The following ZNF354B variants were observed in gnomAD, a reference collection of about 807,000 sequenced individuals.
ZNF354B encodes zinc finger protein 354B.
A neutral mutation model predicts 12.9 loss-of-function variants in ZNF354B; 10 were observed. The ratio of observed to expected loss-of-function variants is 0.77; its 90% confidence interval spans 0.48 to 1.31. ZNF354B has a LOEUF of 1.31. Ranked by LOEUF, ZNF354B falls within the 40% of genes most tolerant of loss-of-function variation. ZNF354B has a pLI of 0.00. For synonymous variants in ZNF354B, 260 were observed against 243.7 expected (o/e 1.07, Z -0.62); for missense variants, 614 against 711.7 (o/e 0.86, Z 1.56).
intron 4 of ZNF354B, among the ~76,000 whole-genome samples, chr5:178,877,394 C>G (rs1757654495): frequency 6.6e-6 from 1 of 152,130 alleles, no homozygotes; most frequent in South Asian, 2.1e-4. Flanking sequence ...TCTCGGAACT[C>G]CTGACCTCAA....
At chr5:178,862,812 C>T (rs918900164) in intron 2 of ZNF354B, among the ~76,000 whole-genome samples, 10 of 152,202 alleles carry the variant, frequency 6.6e-5, no homozygotes, top group Admixed American at 1.3e-4. Flanking sequence ...CTGACTAGAA[C>T]CTTCTCCATC....
At chr5:178,877,009 T>G (rs1269847308) in intron 4 of ZNF354B, among the ~76,000 whole-genome samples, 1 of 152,066 alleles carries the variant, frequency 6.6e-6, no homozygotes, top group Non-Finnish European at 1.5e-5. Context: ...TTTGTTTTGT[T>G]TTGGTTTTTG....
Position 178,866,260 on chromosome 5 carries a change from A to G in ZNF354B, c.50A>G (p.Glu17Gly). The stretch of plus-strand genomic sequence containing the variant: ...TCCTTACAGGTGTCACTGACATTCG[A>G]GGACGTGGCTGTGCTCTTTACCTGG... The part of the protein sequence containing the change: ...EARPQVSLTF[E>G]DVAVLFTWDE... Residue 17 changes from glutamate (E) to glycine (G), a missense_variant, in exon 3 of 5, where the codon GAG (glutamate) becomes GGG (glycine). Glu to Gly is a moderately conservative substitution (Grantham distance 98, BLOSUM62 -2). Transcript: ENST00000322434. The G allele has an allele frequency of 1.2e-6, 2 of 1,614,086 alleles. No homozygotes were observed. Among genetic ancestry groups the G allele is most frequent in the Non-Finnish European group, 1.7e-6 (2 of 1,179,982 alleles).
At chr5:178,880,423 C>T (rs1415074251) in intron 4 of ZNF354B, among the ~76,000 whole-genome samples, 2 of 151,550 alleles carry the variant, frequency 1.3e-5, no homozygotes, top group Non-Finnish European at 2.9e-5. Context: ...TGGTCTCGAT[C>T]TCCTGACCTT....
intron 2 of ZNF354B, among the ~76,000 whole-genome samples, chr5:178,863,244 A>G (rs76114978): frequency 6.6e-6 from 1 of 152,152 alleles, no homozygotes; most frequent in East Asian, 1.9e-4. Context: ...ATATATACAT[A>G]TGTATATGTG....
intron 4 of ZNF354B, among the ~76,000 whole-genome samples, chr5:178,873,996 C>T (rs1257742824): frequency 6.7e-5 from 10 of 149,722 alleles, no homozygotes; most frequent in East Asian, 1.9e-4. Flanking sequence ...CTCTGCTGTC[C>T]GGCAGGCTGG....
intron 4 of ZNF354B, among the ~76,000 whole-genome samples, chr5:178,878,122 G>A (rs200159520): frequency 2.6e-5 from 4 of 152,200 alleles, no homozygotes; most frequent in East Asian, 1.9e-4. Flanking sequence ...GGTGGCTCAC[G>A]CCTGTAATCC....
intron 4 of ZNF354B, among the ~76,000 whole-genome samples, chr5:178,872,619 C>A (rs1757580746): frequency 6.6e-6 from 1 of 152,118 alleles, no homozygotes; most frequent in South Asian, 2.1e-4. Context: ...TGTGAATGAT[C>A]CAATGTTGTT....
intron 1 of ZNF354B, among the ~76,000 whole-genome samples, chr5:178,860,393 C>G (rs1403044652): frequency 3.4e-5 from 5 of 145,094 alleles, no homozygotes; most frequent in Non-Finnish European, 6.2e-5. Context: ...GTGTGGGCCT[C>G]GCGGACTCGG....
At chr5:178,869,120 A>G (rs1292717151) in intron 4 of ZNF354B, among the ~76,000 whole-genome samples, 4 of 152,230 alleles carry the variant, frequency 2.6e-5, no homozygotes, top group Non-Finnish European at 4.4e-5. Flanking sequence ...CTGAGGAGCC[A>G]TAAGTAGCCC....
chr5:178,870,488 C>T (rs1757545182), intron 4 of ZNF354B, among the ~76,000 whole-genome samples: 1 of 152,192 alleles, frequency 6.6e-6, no homozygotes. Flanking sequence ...CCATGTTGGC[C>T]AGGCTGGTCT....
At chr5:178,879,443 A>G (rs1339622583) in intron 4 of ZNF354B, among the ~76,000 whole-genome samples, 1 of 150,808 alleles carries the variant, frequency 6.6e-6, no homozygotes, top group Non-Finnish European at 1.5e-5. Flanking sequence ...GCAGAGGCCC[A>G]ATCTCGGCTC....
At chr5:178,865,011 C>T (rs1757425183) in intron 2 of ZNF354B, among the ~76,000 whole-genome samples, 1 of 152,094 alleles carries the variant, frequency 6.6e-6, no homozygotes, top group Non-Finnish European at 1.5e-5. Flanking sequence ...CTTTTTATGT[C>T]AACAAATAGC....
intron 1 of ZNF354B, among the ~76,000 whole-genome samples, chr5:178,860,418 G>T (rs1757328182): frequency 6.6e-6 from 1 of 150,444 alleles, no homozygotes. Flanking sequence ...CCGGGACCCC[G>T]AGCGCAGGGC....
intron 2 of ZNF354B, among the ~76,000 whole-genome samples, chr5:178,862,118 A>T (rs1441005649): frequency 6.6e-6 from 1 of 152,208 alleles, no homozygotes; most frequent in Non-Finnish European, 1.5e-5. Flanking sequence ...AGTGTCTAGC[A>T]TACCAGGGAA....
At position 178,884,267 on chromosome 5, in the gene ZNF354B, C is replaced by T; in HGVS notation, c.1815C>T (p.Ser605=). The change falls in exon 5 of 5, where the codon TCC becomes TCT. Residue 605 remains serine (S), a synonymous_variant. Transcript: ENST00000322434. ...NHYKIHIEED[S]LKADLHV ...ATAAAATTCACATTGAAGAGGACTC[C>T]TTAAAAGCCGATTTGCATGTGTGAA... 1.3e-6 allele frequency: 2 copies of T among 1,591,218 alleles called. No individual in the cohort carries two copies. The highest frequency in any genetic ancestry group is 8.6e-7 in the Non-Finnish European group (1 of 1,169,468).
intron 2 of ZNF354B, among the ~76,000 whole-genome samples, chr5:178,863,479 G>A (rs148234211): frequency 1.3e-5 from 2 of 152,138 alleles, no homozygotes; most frequent in Non-Finnish European, 2.9e-5. Flanking sequence ...GTTTTGTGGT[G>A]ATGCTGGTAT....
chr5:178,871,548 G>A (rs1426306348), intron 4 of ZNF354B, among the ~76,000 whole-genome samples: 1 of 152,192 alleles, frequency 6.6e-6, no homozygotes, highest in Non-Finnish European at 1.5e-5. Flanking sequence ...TGCATTGTAA[G>A]CTGCTGTAGG....
chr5:178,868,596 C>T (rs911757588), intron 4 of ZNF354B, among the ~76,000 whole-genome samples: 2 of 152,054 alleles, frequency 1.3e-5, no homozygotes, highest in Non-Finnish European at 2.9e-5. Context: ...TGTGAGAGTG[C>T]AGAGCAGGCA....
Sources: gnomAD v4.1 joint callset for allele counts (sites outside exome capture counted in the v4.1 genomes callset) on GRCh38, gnomAD v4.1.1 for gene constraint, MANE v1.5 for transcripts, NCBI Gene and HGNC (gene_info 2026-07-23, HGNC 2026-07-21) for gene names.